The following UST variants were observed in gnomAD, a reference collection of about 807,000 sequenced individuals.
The protein encoded by UST is chondroitin sulfate 2-O-sulfotransferase.
A neutral mutation model predicts 45.6 loss-of-function variants in UST; 21 were observed. That is an observed-to-expected ratio of 0.46 (90% CI 0.33 to 0.66). The LOEUF (loss-of-function observed/expected upper bound fraction) is 0.66, where lower values mean the gene tolerates loss of function less well. Ranked by LOEUF, UST falls within the 30% of genes least tolerant of loss-of-function variation. The pLI, the probability that UST is intolerant of heterozygous loss-of-function variation, is 0.02. For missense variants in UST, 463 were observed against 512.4 expected (o/e 0.90, Z 0.93); for synonymous variants, 215 against 200.6 (o/e 1.07, Z -0.61).
At chr6:148,853,309 A>G (rs1188043941) in intron 1 of UST, among the ~76,000 whole-genome samples, 1 of 152,182 alleles carries the variant, frequency 6.6e-6, no homozygotes, top group African/African-American at 2.4e-5. Context: ...GCTGCATAGT[A>G]TTCCATGGTG....
intron 1 of UST, among the ~76,000 whole-genome samples, chr6:148,813,792 G>A (rs1402412691): frequency 6.6e-6 from 1 of 152,138 alleles, no homozygotes; most frequent in Non-Finnish European, 1.5e-5. Flanking sequence ...GCAATGTAAA[G>A]CAAACCTGCT....
chr6:148,955,845 T>C (rs1321097396), intron 4 of UST: 2 of 152,212 alleles, frequency 1.3e-5, no homozygotes, highest in Admixed American at 6.5e-5. Flanking sequence ...ATTTTAAATA[T>C]TTATGTCTGA....
chr6:148,848,023 G>C (rs1778026275), intron 1 of UST, among the ~76,000 whole-genome samples: 1 of 152,166 alleles, frequency 6.6e-6, no homozygotes, highest in Non-Finnish European at 1.5e-5. Flanking sequence ...AGATATTTTT[G>C]TCAGCAAATT....
intron 5 of UST, among the ~76,000 whole-genome samples, chr6:148,989,223 C>G (rs6916019): frequency 1.6e-5 from 2 of 127,728 alleles, no homozygotes; most frequent in African/African-American, 2.9e-5. Context: ...CCCCCCACCC[C>G]CCGCAAATGA....
At chr6:148,757,244 C>G (rs1776117366) in intron 1 of UST, among the ~76,000 whole-genome samples, 1 of 152,244 alleles carries the variant, frequency 6.6e-6, no homozygotes, top group Non-Finnish European at 1.5e-5. Flanking sequence ...TTAGAGCTCT[C>G]TCTGTAATTA....
chr6:148,861,939 A>C (rs1778324398), intron 1 of UST, among the ~76,000 whole-genome samples: 1 of 69,512 alleles, frequency 1.4e-5, no homozygotes, highest in Non-Finnish European at 2.3e-5. Context: ...GTTTTGGAAT[A>C]AGTGTGATGT....
chr6:148,777,132 G>A (rs1002485121), intron 1 of UST, among the ~76,000 whole-genome samples: 2 of 152,160 alleles, frequency 1.3e-5, no homozygotes, highest in Non-Finnish European at 2.9e-5. Context: ...GACAGGAGCC[G>A]TTTTTTCCTG....
Position 148,823,340 on chromosome 6 carries a change from C to A in UST, c.248-63646C>A, listed in dbSNP as rs191358248. Among the ~76,000 whole-genome samples the A allele has an allele frequency of 1.1e-3, 167 of 152,236 alleles. 3 individuals are homozygous for A. The South Asian group carries it at 0.011, about 10-fold the overall frequency. The stretch of plus-strand genomic sequence containing the variant: ...AAAGTTACCCTTGGGAAAATAGTTA[C>A]CTATAAATTAATCTGTGGCCCTTTG... On this transcript the variant is annotated intron_variant, in intron 1 of 7. Coordinates refer to ENST00000367463, the MANE Select transcript of UST (RefSeq NM_005715.3).
chr6:148,924,670 G>A (rs965782090), intron 2 of UST, among the ~76,000 whole-genome samples: 7 of 152,278 alleles, frequency 4.6e-5, no homozygotes, highest in African/African-American at 7.2e-5. Flanking sequence ...CCCCTAGGCC[G>A]TCACATGTGG....
chr6:148,865,154 A>C (rs372569457), intron 1 of UST, among the ~76,000 whole-genome samples: 17 of 152,294 alleles, frequency 1.1e-4, no homozygotes, highest in African/African-American at 4.1e-4. Context: ...CGATGACTCC[A>C]TCTGTTTGGT....
intron 1 of UST, among the ~76,000 whole-genome samples, chr6:148,878,069 G>A (rs1338997730): frequency 2.3e-5 from 3 of 133,304 alleles, no homozygotes; most frequent in Admixed American, 7.5e-5. Flanking sequence ...ATGAGTGCGG[G>A]TATCGTGTAT....
At chr6:149,038,535 T>G (rs1411518073) in intron 7 of UST, among the ~76,000 whole-genome samples, 1 of 152,056 alleles carries the variant, frequency 6.6e-6, no homozygotes, top group Non-Finnish European at 1.5e-5. Flanking sequence ...GAAACACAAC[T>G]CTTCCAACCC....
chr6:148,920,187 A>G (rs567722433), intron 2 of UST, among the ~76,000 whole-genome samples: 1 of 145,424 alleles, frequency 6.9e-6, no homozygotes, highest in Non-Finnish European at 1.5e-5. Context: ...AGACCCAGCT[A>G]TCTTTACACA....
intron 1 of UST, among the ~76,000 whole-genome samples, chr6:148,852,599 T>C (rs917272680): frequency 1.3e-5 from 2 of 152,208 alleles, no homozygotes; most frequent in East Asian, 1.9e-4. Context: ...GCATAGGAGA[T>C]TGCTTTGAGG....
intron 1 of UST, among the ~76,000 whole-genome samples, chr6:148,824,276 G>C (rs964318348): frequency 2.0e-5 from 3 of 152,216 alleles, no homozygotes; most frequent in Admixed American, 2.0e-4. Context: ...ATAACCCTGG[G>C]TGTTACCTAG....
chr6:148,843,256 C>T (rs948427408), intron 1 of UST, among the ~76,000 whole-genome samples: 1 of 152,234 alleles, frequency 6.6e-6, no homozygotes, highest in African/African-American at 2.4e-5. Flanking sequence ...GCCAATGTCA[C>T]TTATGTTCTG....
intron 7 of UST, among the ~76,000 whole-genome samples, chr6:149,065,942 G>A (rs1374111034): frequency 1.3e-5 from 2 of 152,182 alleles, no homozygotes; most frequent in South Asian, 4.1e-4. Flanking sequence ...GTGCTATGAG[G>A]ACTAAAGGAT....
At chr6:148,769,181 G>A (rs1383780978) in intron 1 of UST, among the ~76,000 whole-genome samples, 1 of 152,218 alleles carries the variant, frequency 6.6e-6, no homozygotes. Flanking sequence ...CTGGCTGTCT[G>A]TTTGGGGTAT....
Position 148,912,627 on chromosome 6 carries a change from G to A in UST, c.291+25598G>A, listed in dbSNP as rs573722611. Among the ~76,000 whole-genome samples the A allele has an allele frequency of 1.1e-3, 160 of 152,290 alleles. 1 individual carries two copies. The highest frequency in any genetic ancestry group is 2.0e-3 in the Non-Finnish European group (137 of 68,028). On this transcript the variant is annotated intron_variant, in intron 2 of 7. Transcript: ENST00000367463. ...CAAGCAATGAGAAAAATCCTCCCTG[G>A]CCGGTCAGAGCCTGTTCATATTTTG...
Sources: allele counts gnomAD v4.1 joint callset (sites outside exome capture counted in the v4.1 genomes callset), GRCh38; gene constraint gnomAD v4.1.1; transcripts MANE v1.5; gene names NCBI Gene and HGNC (gene_info 2026-07-23, HGNC 2026-07-21).